ANK1: variants seen among roughly 807,000 people sequenced by gnomAD.
ANK1 encodes the protein ankyrin-1.
A neutral mutation model predicts 210.4 loss-of-function variants in ANK1; 51 were observed. The ratio of observed to expected loss-of-function variants is 0.24; its 90% CI spans 0.19 to 0.31. The LOEUF is 0.31. Among genes scored for constraint, ANK1 ranks in the 10% least tolerant of loss-of-function variants. ANK1 has a pLI of 1.00. For synonymous variants in ANK1, 967 were observed against 1,025.9 expected (o/e 0.94, Z 1.10); for missense variants, 2,051 against 2,504.4 (o/e 0.82, Z 3.86).
intron 2 of ANK1, among the ~76,000 whole-genome samples, chr8:41,738,578 A>C (rs113944094): frequency 6.6e-6 from 1 of 152,210 alleles, no homozygotes; most frequent in African/African-American, 2.4e-5. Flanking sequence ...CTTTTTCTTT[A>C]AGCAGATTTT....
intron 2 of ANK1, among the ~76,000 whole-genome samples, chr8:41,737,047 C>A (rs1208539083): frequency 2.6e-5 from 4 of 152,206 alleles, no homozygotes; most frequent in African/African-American, 7.2e-5. Flanking sequence ...CATCTGTAAT[C>A]CCAGCACTTT....
chr8:41,706,086 A>G lies in ANK1; in HGVS notation c.2097+57T>C, dbSNP rs1367107596. ...GTTTCAAAGCTCTGTGGAAGATTCA[A>G]TTCTGAAGTGTGAGCAAGGAGTCCA... On this transcript the variant is annotated intron_variant, in intron 18 of 42. Coordinates refer to ENST00000289734, the MANE Select transcript of ANK1 (RefSeq NM_000037.4). 5 of 1,521,562 alleles carry G rather than the reference A, an allele frequency of 3.3e-6. No homozygotes were observed. The South Asian group carries it at 3.4e-5, about 10-fold the overall frequency. 94.3% of individuals were successfully genotyped at this position (1,521,562 alleles called of 1,614,324 possible). A position where few individuals can be genotyped will look rare whatever the true frequency, so the allele number is the denominator to read the frequency against.
intron 1 of ANK1, among the ~76,000 whole-genome samples, chr8:41,827,828 C>G (rs28541788): frequency 0.017 from 2,548 of 151,530 alleles, 60 homozygotes; most frequent in African/African-American, 0.057. Flanking sequence ...TACACACACG[C>G]ACTCACACAT....
At chr8:41,826,905 G>A (rs1185961374) in intron 1 of ANK1, among the ~76,000 whole-genome samples, 1 of 151,908 alleles carries the variant, frequency 6.6e-6, no homozygotes, top group Non-Finnish European at 1.5e-5. Flanking sequence ...ATCTTTCCCT[G>A]CCTTTAATTC....
intron 20 of ANK1, among the ~76,000 whole-genome samples, chr8:41,703,450 A>ATATATATATATTTTTTTTT (rs59985416): frequency 1.7e-5 from 1 of 58,828 alleles, no homozygotes; most frequent in African/African-American, 9.0e-5. Context: ...ATATATATAT[A>ATATATATATATTTTTTTTT]TTTTTTTTTT....
At chr8:41,736,970 AAAAAAGGAGGTTTGGTTTTCTCCCCGCT>A (rs1186235746) in intron 2 of ANK1, among the ~76,000 whole-genome samples, 1 of 152,164 alleles carries the variant, frequency 6.6e-6, no homozygotes. Flanking sequence ...GATTTCCCAG[AAAAAAGGAGGTTTGGTTTTCTCCCCGCT>A]AAAAACTACT....
chr8:41,809,615 T>A (rs1434046309), intron 1 of ANK1, among the ~76,000 whole-genome samples: 1 of 151,820 alleles, frequency 6.6e-6, no homozygotes, highest in East Asian at 1.9e-4. Flanking sequence ...AAAAATTTTT[T>A]AAATTAGCCA....
intron 36 of ANK1, among the ~76,000 whole-genome samples, 167 bp downstream of exon 36, chr8:41,685,985 C>A (rs1817584773): frequency 6.6e-6 from 1 of 152,224 alleles, no homozygotes; most frequent in African/African-American, 2.4e-5. Context: ...TGCCTTCTGG[C>A]AGGACTGCCT....
At chr8:41,730,781 C>G (rs1832008915) in intron 3 of ANK1, among the ~76,000 whole-genome samples, 1 of 152,176 alleles carries the variant, frequency 6.6e-6, no homozygotes, top group Non-Finnish European at 1.5e-5. Flanking sequence ...TCTGGGCTCC[C>G]ATGGAAAAGA....
chr8:41,810,136 C>CTGAA (rs1318204212), intron 1 of ANK1, among the ~76,000 whole-genome samples: 3 of 152,234 alleles, frequency 2.0e-5, no homozygotes, highest in Non-Finnish European at 4.4e-5. Context: ...AAACATCCTG[C>CTGAA]TGAAGGGTCA....
At chr8:41,657,197 A>G (rs1806039537) in intron 42 of ANK1, among the ~76,000 whole-genome samples, 1 of 152,304 alleles carries the variant, frequency 6.6e-6, no homozygotes, top group Middle Eastern at 3.4e-3. Flanking sequence ...AAAATACAAA[A>G]AAGAAAAAAG....
At chr8:41,886,116 T>C (rs1818397136) in intron 1 of ANK1, among the ~76,000 whole-genome samples, 1 of 152,218 alleles carries the variant, frequency 6.6e-6, no homozygotes, top group Admixed American at 6.5e-5. Context: ...TTTTTAAGTC[T>C]TCATCTATTT....
intron 1 of ANK1, among the ~76,000 whole-genome samples, chr8:41,767,751 C>T (rs1842171600): frequency 6.6e-6 from 1 of 152,136 alleles, no homozygotes; most frequent in Non-Finnish European, 1.5e-5. Flanking sequence ...GGAGGGGAGG[C>T]ACACACGTCC....
chr8:41,802,860 C>G (rs563188227), intron 1 of ANK1, among the ~76,000 whole-genome samples: 1 of 134,916 alleles, frequency 7.4e-6, no homozygotes, highest in Non-Finnish European at 1.5e-5. Context: ...CCGCAGTGAG[C>G]GATGATCATG....
chr8:41,663,783 G>T, intron 39 of ANK1, 41 bp from the exon 40 acceptor site: 1 of 1,489,790 alleles, frequency 6.7e-7, no homozygotes, highest in Non-Finnish European at 9.4e-7. Flanking sequence ...ATTGGTGAGT[G>T]GGAGTCTGGG....
chr8:41,771,481 C>T (rs13255921), intron 1 of ANK1, among the ~76,000 whole-genome samples: 19,799 of 152,230 alleles, frequency 0.13, 1,325 homozygotes, highest in African/African-American at 0.14. Context: ...CACGTTTTAA[C>T]GTAGGCATTT....
chr8:41,663,308 C>A (rs922061236), intron 40 of ANK1, among the ~76,000 whole-genome samples: 5 of 152,046 alleles, frequency 3.3e-5, no homozygotes, highest in Admixed American at 6.6e-5. Flanking sequence ...TTTGAGGAGG[C>A]CCATGGTAGG....
intron 36 of ANK1, among the ~76,000 whole-genome samples, chr8:41,685,192 G>T (rs1291929834): frequency 6.6e-6 from 1 of 152,350 alleles, no homozygotes; most frequent in African/African-American, 2.4e-5. Context: ...GCCTCCCAAA[G>T]TGCTGGGATT....
chr8:41,695,399 G>C, intron 26 of ANK1, 68 bp from the exon 27 acceptor site: 1 of 1,594,522 alleles, frequency 6.3e-7, no homozygotes, highest in Non-Finnish European at 8.6e-7. Flanking sequence ...GGGAGGGATG[G>C]GGCTGCCGGC....
Sources: gnomAD v4.1 joint callset for allele counts (sites outside exome capture counted in the v4.1 genomes callset) on GRCh38, gnomAD v4.1.1 for gene constraint, MANE v1.5 for transcripts, NCBI Gene and HGNC (gene_info 2026-07-23, HGNC 2026-07-21) for gene names.